Variants in ADRB3 observed in about 807,000 individuals in gnomAD.
ADRB3 encodes adrenoceptor beta 3.
A neutral mutation model predicts 23.8 loss-of-function variants in ADRB3; 33 were observed. The observed-to-expected ratio is 1.38, with a 90% CI of 1.05 to 1.85. The LOEUF is 1.85. ADRB3 is among the 40% of genes most tolerant of loss of function. ADRB3 has a pLI of 0.00. For missense variants in ADRB3, 600 were observed against 579.6 expected (o/e 1.04, Z -0.36); for synonymous variants, 289 against 273.0 (o/e 1.06, Z -0.58).
rs1421639283 is a variant in ADRB3 at position 37,963,466 on chromosome 8, T to C, written c.*752A>G. 6.6e-6 allele frequency: 1 copy of C among 152,252 alleles called. No individual in the cohort carries two copies. Among genetic ancestry groups the C allele is most frequent in the Non-Finnish European group, 1.5e-5 (1 of 68,044 alleles). 9.4% of individuals were successfully genotyped at this position (152,252 alleles called of 1,614,324 possible). ...GGAAGAAAAGAGTGAGGATTAGGCC[T>C]AATTTACTGCCTCTGTCAAAAGCCA... On this transcript the variant is annotated 3_prime_UTR_variant, in exon 2 of 2. Transcript: ENST00000345060.
rs1376364083 is a variant in ADRB3 at position 37,965,840 on chromosome 8, G to C, written c.630C>G (p.Ser210=). The C allele has an allele frequency of 5.8e-6, 9 of 1,553,416 alleles. No homozygotes were observed. The highest frequency in any genetic ancestry group is 1.7e-6 in the Non-Finnish European group (2 of 1,147,872). ...CGAGAAGAGGAAGGTAGAAGGAGAC[G>C]GAGGAGGACAGCAGCACGTAGGGCA... is the stretch of plus-strand genomic sequence containing the variant. The part of the protein sequence containing the change: ...SNMPYVLLSS[S]VSFYLPLLVM... The change falls in exon 1 of 2, where the codon TCC becomes TCG. Residue 210 remains serine (S), a synonymous_variant. Transcript: ENST00000345060.
In ADRB3 at chr8:37,963,765, A is replaced by G. The variant is rs1808245501; in HGVS notation, c.*453T>C. 6.3e-6 allele frequency: 1 copy of G among 159,026 alleles called. No individual in the cohort carries two copies. The highest frequency in any genetic ancestry group is 1.4e-5 in the Non-Finnish European group (1 of 72,410). The allele number at this position is 159,026 out of a possible 1,614,324, so 9.9% of individuals were successfully genotyped here. On this transcript the variant is annotated 3_prime_UTR_variant, in exon 2 of 2. Coordinates refer to ENST00000345060, the MANE Select transcript of ADRB3 (RefSeq NM_000025.3). Reference sequence around the variant, plus strand: ...GAGAGCAGTAATAAGGGAACCAGAGATAAAACCCCAAATCTTGGTCTTTTC... The same window carrying G: ...GAGAGCAGTAATAAGGGAACCAGAGGTAAAACCCCAAATCTTGGTCTTTTC...
In ADRB3 at chr8:37,965,969, C is replaced by T; in HGVS notation, c.501G>A (p.Ala167=). 2 of 1,564,516 alleles carry T rather than the reference C, an allele frequency of 1.3e-6. No individual in the cohort carries two copies. The highest frequency in any genetic ancestry group is 1.4e-5 in the African/African-American group (1 of 73,734). The change falls in exon 1 of 2, where the codon GCG becomes GCA. Residue 167 remains alanine, a synonymous_variant. Coordinates refer to ENST00000345060, the MANE Select transcript of ADRB3 (RefSeq NM_000025.3). ...AVVLVWVVSA[A]VSFAPIMSQW... is the part of the protein sequence containing the mutation. ...GGCTCATGATGGGCGCAAACGACAC[C>T]GCGGCCGACACGACCCACACCAGGA... is the stretch of plus-strand genomic sequence containing the variant.
At position 37,966,181 on chromosome 8, in the gene ADRB3, A is replaced by G; in HGVS notation, c.289T>C (p.Leu97=). ...GLLVVPPAAT[L]ALTGHWPLGA... Reference sequence around the variant, plus strand: ...AACGGCCAGTGGCCAGTCAGCGCCAAGGTGGCCGCCGGCGGCACCACCAGG... The same window carrying G: ...AACGGCCAGTGGCCAGTCAGCGCCAGGGTGGCCGCCGGCGGCACCACCAGG... The change falls in exon 1 of 2, where the codon TTG becomes CTG. Residue 97 remains leucine (L), a synonymous_variant. Transcript: ENST00000345060. The G allele has an allele frequency of 6.2e-7, 1 of 1,610,986 alleles. No individual in the cohort carries two copies. The highest frequency in any genetic ancestry group is 8.5e-7 in the Non-Finnish European group (1 of 1,178,946).
Position 37,966,238 on chromosome 8 carries a change from A to C in ADRB3, c.232T>G (p.Ser78Ala). The change falls in exon 1 of 2, where the codon TCG (serine) becomes GCG (alanine). Residue 78 changes from serine (S) to alanine (A), a missense_variant. Physicochemically the swap from Ser to Ala is moderately conservative, Grantham distance 99. Transcript: ENST00000345060. ...ATCACCAGGTCGGCTGCGGCCAGCGAAGTCACGAACACGTTGGTCATGGTC... is the reference window on the plus strand; with the variant it reads ...ATCACCAGGTCGGCTGCGGCCAGCGCAGTCACGAACACGTTGGTCATGGTC... Reference protein sequence around the residue: ...LQTMTNVFVTSLAAADLVMGL... With the variant: ...LQTMTNVFVTALAAADLVMGL... 1 of 1,613,568 alleles carries C rather than the reference A, an allele frequency of 6.2e-7. No individual in the cohort carries two copies. The highest frequency in any genetic ancestry group is 1.3e-5 in the African/African-American group (1 of 75,038).
chr8:37,966,435 G>T lies in ADRB3; in HGVS notation c.35C>A (p.Ala12Asp). Residue 12 changes from alanine (A) to aspartate (D), a missense_variant, in exon 1 of 2, where the codon GCC (alanine) becomes GAC (aspartate). Ala to Asp is a moderately radical substitution (Grantham distance 126). Transcript: ENST00000345060. ...APWPHENSSLAPWPDLPTLAP... is the reference protein window; with the variant it reads ...APWPHENSSLDPWPDLPTLAP... ...CAGGGTGGGGAGGTCCGGCCATGGG[G>T]CAAGAGAGCTGTTCTCGTGAGGCCA... The T allele has an allele frequency of 6.2e-7, 1 of 1,605,372 alleles. No individual in the cohort carries two copies. The highest frequency in any genetic ancestry group is 2.2e-5 in the East Asian group (1 of 44,674).
intron 1 of ADRB3, 35 bp downstream of exon 1, chr8:37,965,230 C>A: frequency 6.8e-7 from 1 of 1,475,706 alleles, no homozygotes; most frequent in East Asian, 2.5e-5. Flanking sequence ...GCTTCCCGAC[C>A]CTGAGCCGCC....
chr8:37,964,142 G>T lies in ADRB3; in HGVS notation c.*76C>A. The T allele has an allele frequency of 1.5e-6, 2 of 1,305,456 alleles. No individual in the cohort carries two copies. Among genetic ancestry groups the T allele is most frequent in the South Asian group, 2.4e-5 (2 of 83,512 alleles). The allele number at this position is 1,305,456 out of a possible 1,614,324, so 80.9% of individuals were successfully genotyped here. Reference sequence around the variant, plus strand: ...AGTGTCACAGCCGGGGAATCCCATGGGACTCATTCTGAACAGAGGCCAGAG... The same window carrying T: ...AGTGTCACAGCCGGGGAATCCCATGTGACTCATTCTGAACAGAGGCCAGAG... On this transcript the variant is annotated 3_prime_UTR_variant, in exon 2 of 2. Coordinates refer to ENST00000345060, the MANE Select transcript of ADRB3 (RefSeq NM_000025.3).
At position 37,965,936 on chromosome 8, in the gene ADRB3, C is replaced by T; in HGVS notation, c.534G>A (p.Trp178Ter). 6.4e-7 allele frequency: 1 copy of T among 1,554,592 alleles called. No individual in the cohort carries two copies. The change falls in exon 1 of 2, where the codon TGG becomes TGA. Residue 178 changes from tryptophan (W) to a stop codon, truncating the protein, a stop_gained. Coordinates refer to ENST00000345060, the MANE Select transcript of ADRB3 (RefSeq NM_000025.3). LOFTEE classifies it high-confidence loss of function. Reference sequence around the variant, plus strand: ...GCGCCTCGGCGTCGGCCCCTACGCGCCACCACTGGCTCATGATGGGCGCAA... The same window carrying T: ...GCGCCTCGGCGTCGGCCCCTACGCGTCACCACTGGCTCATGATGGGCGCAA... ...VSFAPIMSQW[W>*]RVGADAEAQR...
chr8:37,964,170 TTTCCACAGGTTC>T lies in ADRB3; in HGVS notation c.*36_*47del. On this transcript the variant is annotated 3_prime_UTR_variant, in exon 2 of 2. Transcript: ENST00000345060. Reference sequence around the variant, plus strand: ...CTCATTCTGAACAGAGGCCAGAGGTTTTCCACAGGTTCTGATCAACAGAGTTGTTGCTTCTTG... The same window carrying T: ...CTCATTCTGAACAGAGGCCAGAGGTTTGATCAACAGAGTTGTTGCTTCTTG... 6.3e-7 allele frequency: 1 copy of T among 1,580,398 alleles called. No homozygotes were observed. Among genetic ancestry groups the T allele is most frequent in the Non-Finnish European group, 8.7e-7 (1 of 1,149,854 alleles).
In ADRB3 at chr8:37,965,521, G is replaced by A; in HGVS notation, c.949C>T (p.Leu317=). The change falls in exon 1 of 2, where the codon CTG becomes TTG. Residue 317 remains leucine, a synonymous_variant. Coordinates refer to ENST00000345060, the MANE Select transcript of ADRB3 (RefSeq NM_000025.3). The part of the protein sequence containing the change: ...PFFLANVLRA[L]GGPSLVPGPA... The stretch of plus-strand genomic sequence containing the variant: ...CCCGGGACTAGAGAGGGGCCCCCCA[G>A]GGCGCGCAGCACGTTGGCCAGAAAG... The A allele has an allele frequency of 6.4e-7, 1 of 1,551,700 alleles. No homozygotes were observed. The highest frequency in any genetic ancestry group is 8.7e-7 in the Non-Finnish European group (1 of 1,147,308).
chr8:37,966,480 C>T lies in ADRB3; in HGVS notation c.-11G>A. 5 of 1,576,628 alleles carry T rather than the reference C, an allele frequency of 3.2e-6. No homozygotes were observed. The South Asian group carries it at 3.4e-5, about 11-fold the overall frequency. ...AGGCCACGGAGCCATCCCCGGGTCGCGCGTGGGGCGGTAGGGAAAGAAGGA... is the reference window on the plus strand; with the variant it reads ...AGGCCACGGAGCCATCCCCGGGTCGTGCGTGGGGCGGTAGGGAAAGAAGGA... On this transcript the variant is annotated 5_prime_UTR_variant, in exon 1 of 2. Coordinates refer to ENST00000345060, the MANE Select transcript of ADRB3 (RefSeq NM_000025.3).
intron 1 of ADRB3, 32 bp downstream of exon 1, chr8:37,965,233 G>T (rs1426206249): frequency 6.8e-7 from 1 of 1,476,538 alleles, no homozygotes; most frequent in South Asian, 1.5e-5. Flanking sequence ...TCCCGACCCT[G>T]AGCCGCCGGT....
rs1333405807 is a variant in ADRB3 at position 37,965,957 on chromosome 8, C to T, written c.513G>A (p.Ala171=). 3 of 1,560,096 alleles carry T rather than the reference C, an allele frequency of 1.9e-6. No individual in the cohort carries two copies. Among genetic ancestry groups the T allele is most frequent in the Non-Finnish European group, 2.6e-6 (3 of 1,151,952 alleles). Residue 171 remains alanine (A), a synonymous_variant, in exon 1 of 2, where the codon GCG becomes GCA. Transcript: ENST00000345060. The part of the protein sequence containing the change: ...VWVVSAAVSF[A]PIMSQWWRVG... ...CGCGCCACCACTGGCTCATGATGGG[C>T]GCAAACGACACCGCGGCCGACACGA...
Position 37,965,808 on chromosome 8 carries a change from A to G in ADRB3, c.662T>C (p.Leu221Pro). The change falls in exon 1 of 2, where the codon CTC becomes CCC. Residue 221 changes from leucine (L) to proline (P), a missense_variant. By Grantham distance (98) the Leu-to-Pro change is moderately conservative. Coordinates refer to ENST00000345060, the MANE Select transcript of ADRB3 (RefSeq NM_000025.3). ...VSFYLPLLVM[L>P]FVYARVFVVA... ...CACGAAAACCCGCGCGTAGACGAAG[A>G]GCATCACGAGAAGAGGAAGGTAGAA... 1 of 1,552,456 alleles carries G rather than the reference A, an allele frequency of 6.4e-7. No individual in the cohort carries two copies. The highest frequency in any genetic ancestry group is 8.7e-7 in the Non-Finnish European group (1 of 1,147,300).
Position 37,966,426 on chromosome 8 carries a change from G to A in ADRB3, c.44C>T (p.Pro15Leu), listed in dbSNP as rs370860214. ...PHENSSLAPW[P>L]DLPTLAPNTA... ...ATTGGGCGCCAGGGTGGGGAGGTCC[G>A]GCCATGGGGCAAGAGAGCTGTTCTC... Residue 15 changes from proline to leucine, a missense_variant, in exon 1 of 2, where the codon CCG becomes CTG. Physicochemically the swap from Pro to Leu is moderately conservative, Grantham distance 98. Transcript: ENST00000345060. 1 of 1,606,724 alleles carries A rather than the reference G, an allele frequency of 6.2e-7. No homozygotes were observed. Among genetic ancestry groups the A allele is most frequent in the East Asian group, 2.2e-5 (1 of 44,712 alleles).
intron 1 of ADRB3, among the ~76,000 whole-genome samples, chr8:37,964,528 G>A (rs1475632500): frequency 3.3e-5 from 5 of 149,688 alleles, no homozygotes; most frequent in African/African-American, 7.4e-5. Context: ...AACTGAGGCC[G>A]AGGGCTTGGG....
intron 1 of ADRB3, among the ~76,000 whole-genome samples, chr8:37,964,798 G>C (rs965964185): frequency 2.0e-5 from 3 of 152,228 alleles, no homozygotes; most frequent in Admixed American, 2.0e-4. Flanking sequence ...TGGGATTGGT[G>C]GGGCTCGCCT....
intron 1 of ADRB3, chr8:37,964,993 G>A (rs1808267433): frequency 1.7e-5 from 7 of 424,030 alleles, no homozygotes; most frequent in East Asian, 7.8e-5. Flanking sequence ...GAGAGTCCTC[G>A]GGACACCGCA....
Sources: allele counts gnomAD v4.1 joint callset (sites outside exome capture counted in the v4.1 genomes callset), GRCh38; gene constraint gnomAD v4.1.1; transcripts MANE v1.5; gene names NCBI Gene and HGNC (gene_info 2026-07-23, HGNC 2026-07-21).